The following SYT14 variants were observed in gnomAD, a reference collection of about 807,000 sequenced individuals.
The protein encoded by SYT14 is synaptotagmin 14.
In SYT14, 32 loss-of-function variants were observed where a neutral mutation model predicts 74.2. The ratio of observed to expected loss-of-function variants is 0.43; its 90% CI spans 0.33 to 0.58. The LOEUF (loss-of-function observed/expected upper bound fraction) is 0.58. Ranked by LOEUF, SYT14 falls within the 20% of genes least tolerant of loss-of-function variation. The pLI, the probability that SYT14 is intolerant of heterozygous loss-of-function variation, is 0.05. For synonymous variants in SYT14, 298 were observed against 337.7 expected, an observed-to-expected ratio of 0.88 and a Z score of 1.29; for missense variants, 791 against 981.8, an observed-to-expected ratio of 0.81 and a Z score of 2.60.
At chr1:210,134,042 G>T (rs542438168) in intron 7 of SYT14, among the ~76,000 whole-genome samples, 13 of 151,654 alleles carry the variant, frequency 8.6e-5, no homozygotes, top group Non-Finnish European at 1.6e-4. Context: ...AATTTGATTG[G>T]TTAGGTTTTG....
At chr1:210,157,234 G>A (rs2083286609) in intron 8 of SYT14, among the ~76,000 whole-genome samples, 2 of 151,498 alleles carry the variant, frequency 1.3e-5, no homozygotes, top group African/African-American at 2.4e-5. Flanking sequence ...TTGATCCCAG[G>A]ATTTCAAGAC....
intron 7 of SYT14, among the ~76,000 whole-genome samples, chr1:210,140,256 T>A (rs2082887010): frequency 6.6e-6 from 1 of 152,216 alleles, no homozygotes; most frequent in African/African-American, 2.4e-5. Flanking sequence ...TTCGTGTATC[T>A]TCTTTGGATA....
intron 2 of SYT14, among the ~76,000 whole-genome samples, chr1:209,961,383 G>A (rs991849805): frequency 3.9e-5 from 6 of 152,086 alleles, no homozygotes; most frequent in African/African-American, 1.2e-4. Context: ...GAACAATAAA[G>A]TAACTTTTCT....
chr1:210,076,209 T>A (rs1007235334), intron 5 of SYT14, among the ~76,000 whole-genome samples: 5 of 152,170 alleles, frequency 3.3e-5, no homozygotes, highest in African/African-American at 1.2e-4. Flanking sequence ...TGGGTCATGA[T>A]TAATATTGAT....
chr1:209,992,010 C>T (rs1319293002), intron 2 of SYT14, among the ~76,000 whole-genome samples: 1 of 152,032 alleles, frequency 6.6e-6, no homozygotes, highest in Admixed American at 6.6e-5. Flanking sequence ...AGTATAGGCT[C>T]AAGGGAAAAT....
intron 5 of SYT14, among the ~76,000 whole-genome samples, chr1:210,078,235 G>C (rs957162261): frequency 7.1e-6 from 1 of 141,708 alleles, no homozygotes; most frequent in African/African-American, 2.7e-5. Context: ...GCGTGAACCC[G>C]GGAGGCAGAG....
In SYT14 at chr1:210,092,955, A is replaced by G. The variant is rs1159920131; in HGVS notation, c.1313-1367A>G. ...GTATATGGGAGGATGTACTTAGGTT[A>G]TATGTAAATACTACACCATTTTATA... On this transcript the variant is annotated intron_variant, in intron 5 of 9. Coordinates refer to ENST00000637265, the Ensembl canonical transcript of SYT14. 6.6e-5 allele frequency among the ~76,000 whole-genome samples: 10 copies of G among 152,212 alleles called. No homozygotes were observed. In the South Asian group the frequency reaches 2.1e-3, roughly 32 times the overall value.
chr1:209,984,115 A>C (rs931660429), intron 2 of SYT14, among the ~76,000 whole-genome samples: 1 of 152,248 alleles, frequency 6.6e-6, no homozygotes, highest in Non-Finnish European at 1.5e-5. Flanking sequence ...AAACAAAGGC[A>C]GGCATCTACA....
At chr1:210,058,155 T>TA (rs1226264971) in intron 5 of SYT14, among the ~76,000 whole-genome samples, 1 of 152,168 alleles carries the variant, frequency 6.6e-6, no homozygotes, top group East Asian at 1.9e-4. Flanking sequence ...TCTCTCTATC[T>TA]AAAATCTTGA....
In SYT14 at chr1:210,113,055, C is replaced by T. The variant is rs549758663; in HGVS notation, c.2034+12594C>T. ...AAAGTATTAAAGCAGCGGCAGCCGCCGCACGCAGACATGAGAGCTAAGCTA... is the reference window on the plus strand; with the variant it reads ...AAAGTATTAAAGCAGCGGCAGCCGCTGCACGCAGACATGAGAGCTAAGCTA... On this transcript the variant is annotated intron_variant, in intron 7 of 9. Coordinates refer to ENST00000637265, the Ensembl canonical transcript of SYT14. Among the ~76,000 whole-genome samples the T allele has an allele frequency of 3.4e-4, 51 of 151,390 alleles. 4 individuals are homozygous for T. Among genetic ancestry groups the T allele is most frequent in the African/African-American group, 8.6e-4 (35 of 40,718 alleles).
chr1:210,025,350 A>G (rs2080388423), intron 5 of SYT14, among the ~76,000 whole-genome samples: 2 of 152,222 alleles, frequency 1.3e-5, no homozygotes, highest in African/African-American at 4.8e-5. Context: ...AGAGATGAAT[A>G]GAGTAAGTTA....
At chr1:210,035,326 A>G (rs904075688) in intron 5 of SYT14, among the ~76,000 whole-genome samples, 7 of 151,888 alleles carry the variant, frequency 4.6e-5, no homozygotes, top group African/African-American at 1.4e-4. Flanking sequence ...CTTGTCTATC[A>G]GATGCATAGT....
At chr1:210,075,348 T>G (rs1410100347) in intron 5 of SYT14, among the ~76,000 whole-genome samples, 2 of 150,266 alleles carry the variant, frequency 1.3e-5, no homozygotes, top group Non-Finnish European at 3.0e-5. Context: ...GTTTGTTTTT[T>G]TTTTTTTTTT....
At chr1:210,095,008 G>A (rs924639058) in intron 6 of SYT14, among the ~76,000 whole-genome samples, 19 of 151,894 alleles carry the variant, frequency 1.3e-4, no homozygotes, top group Non-Finnish European at 2.8e-4. Flanking sequence ...TCATATCATA[G>A]AAAATGCAAG....
intron 2 of SYT14, among the ~76,000 whole-genome samples, chr1:209,973,310 A>G (rs2079293065): frequency 1.3e-5 from 2 of 152,168 alleles, no homozygotes. Context: ...TGCTGCACCC[A>G]TTAACTCGTC....
chr1:209,962,228 C>A (rs1195753242), intron 2 of SYT14, among the ~76,000 whole-genome samples: 1 of 151,052 alleles, frequency 6.6e-6, no homozygotes, highest in Non-Finnish European at 1.5e-5. Context: ...CTTATTTATG[C>A]CATTTTCGTT....
chr1:209,945,604 A>T (rs900680512), intron 1 of SYT14, among the ~76,000 whole-genome samples: 1 of 152,226 alleles, frequency 6.6e-6, no homozygotes, highest in African/African-American at 2.4e-5. Flanking sequence ...TTGGAGAAGA[A>T]TCTTTAGATG....
chr1:210,071,283 A>G (rs548357075), intron 5 of SYT14, among the ~76,000 whole-genome samples: 1 of 150,056 alleles, frequency 6.7e-6, no homozygotes, highest in East Asian at 1.9e-4. Context: ...ATATTTATAT[A>G]TTAGATAAAA....
chr1:209,997,060 A>C (rs1014623146), intron 2 of SYT14, among the ~76,000 whole-genome samples: 2 of 152,096 alleles, frequency 1.3e-5, no homozygotes, highest in African/African-American at 4.8e-5. Flanking sequence ...GAACAAGACA[A>C]GAATGTCTAC....
Sources: gnomAD v4.1 joint callset for allele counts (sites outside exome capture counted in the v4.1 genomes callset) on GRCh38, gnomAD v4.1.1 for gene constraint, MANE v1.5 for transcripts, NCBI Gene and HGNC (gene_info 2026-07-23, HGNC 2026-07-21) for gene names.